Variants in GRID2 observed in about 807,000 individuals in gnomAD.
GRID2 encodes the protein glutamate receptor ionotropic, delta-2.
Under a neutral mutation model 114.8 loss-of-function variants are expected in GRID2, and 33 were observed. The observed-to-expected ratio is 0.29, with a 90% confidence interval of 0.22 to 0.38. The LOEUF is 0.38. GRID2 is among the 10% of genes least tolerant of loss of function. The probability of loss-of-function intolerance (pLI) is 1.00; values close to 1 mark genes in which losing one functional copy is unlikely to be tolerated. For missense variants in GRID2, 1,184 were observed against 1,257.7 expected (o/e 0.94, Z 0.89); for synonymous variants, 505 against 449.9 (o/e 1.12, Z -1.55).
chr4:92,392,765 C>T (rs965613091), intron 1 of GRID2, among the ~76,000 whole-genome samples: 1 of 151,998 alleles, frequency 6.6e-6, no homozygotes, highest in Non-Finnish European at 1.5e-5. Context: ...TCATTCATAC[C>T]TAAAGACTAT....
intron 1 of GRID2, among the ~76,000 whole-genome samples, chr4:92,342,872 G>A (rs146461450): frequency 6.4e-4 from 98 of 152,236 alleles, no homozygotes; most frequent in Admixed American, 1.8e-3. Flanking sequence ...TCCTGGGAAT[G>A]AGTTGACAAC....
At chr4:92,960,070 T>C (rs1158904360) in intron 2 of GRID2, among the ~76,000 whole-genome samples, 1 of 151,972 alleles carries the variant, frequency 6.6e-6, no homozygotes. Context: ...ATTTTGAAAA[T>C]TTTCAGCTAT....
At chr4:92,479,461 T>C (rs1034985540) in intron 1 of GRID2, among the ~76,000 whole-genome samples, 11 of 152,170 alleles carry the variant, frequency 7.2e-5, no homozygotes, top group Non-Finnish European at 1.0e-4. Flanking sequence ...TTTTTAACTA[T>C]ATTAATCAAC....
intron 8 of GRID2, among the ~76,000 whole-genome samples, chr4:93,364,684 G>T (rs1762177638): frequency 6.6e-6 from 1 of 151,910 alleles, no homozygotes; most frequent in Admixed American, 6.6e-5. Context: ...TTGATATGTT[G>T]CCCAAACTAG....
intron 8 of GRID2, among the ~76,000 whole-genome samples, chr4:93,360,979 C>A (rs1486307861): frequency 6.6e-6 from 1 of 151,644 alleles, no homozygotes; most frequent in Non-Finnish European, 1.5e-5. Flanking sequence ...ATCAAATGTA[C>A]TTTTATAACA....
chr4:92,913,799 A>G (rs1198202743), intron 2 of GRID2, among the ~76,000 whole-genome samples: 1 of 151,876 alleles, frequency 6.6e-6, no homozygotes, highest in African/African-American at 2.4e-5. Flanking sequence ...CACTCAGTAT[A>G]CCAGAGACAA....
chr4:92,560,537 G>A (rs2149181591), intron 1 of GRID2, among the ~76,000 whole-genome samples: 1 of 152,256 alleles, frequency 6.6e-6, no homozygotes, highest in Admixed American at 6.5e-5. Flanking sequence ...TTATGATAGT[G>A]TTTAATCCTT....
At chr4:93,781,386 G>A (rs1734475416) in intron 1 of GRID2, among the ~76,000 whole-genome samples, 2 of 151,024 alleles carry the variant, frequency 1.3e-5, no homozygotes, top group Admixed American at 6.6e-5. Context: ...GCTGGGCTGC[G>A]GTGAGGGGCT....
At chr4:93,294,931 G>T (rs933219689) in intron 8 of GRID2, among the ~76,000 whole-genome samples, 1 of 152,088 alleles carries the variant, frequency 6.6e-6, no homozygotes, top group African/African-American at 2.4e-5. Flanking sequence ...TCCTTTATTT[G>T]TTAATTTATC....
At chr4:93,679,110 A>G (rs1050493108) in intron 14 of GRID2, among the ~76,000 whole-genome samples, 7 of 151,220 alleles carry the variant, frequency 4.6e-5, no homozygotes, top group Non-Finnish European at 7.4e-5. Context: ...AAAATAAAAA[A>G]AGTCAGGGAT....
At chr4:92,368,025 C>T (rs893263723) in intron 1 of GRID2, among the ~76,000 whole-genome samples, 1 of 151,990 alleles carries the variant, frequency 6.6e-6, no homozygotes, top group Non-Finnish European at 1.5e-5. Context: ...CGATAGTAGC[C>T]TGGAATCAGC....
At chr4:92,593,940 C>T (rs965912061) in intron 2 of GRID2, among the ~76,000 whole-genome samples, 1 of 146,668 alleles carries the variant, frequency 6.8e-6, no homozygotes, top group African/African-American at 2.5e-5. Context: ...AAAAAAAAAA[C>T]GTATATGGGT....
rs528946307 is a variant in GRID2, at chr4:92,443,142, C to T, written c.88+138398C>T. Among the ~76,000 whole-genome samples, 1,336 of 152,154 alleles carry T rather than the reference C, an allele frequency of 8.8e-3. 21 individuals carry two copies. The highest frequency in any genetic ancestry group is 0.031 in the African/African-American group (1,273 of 41,492). On this transcript the variant is annotated intron_variant, in intron 1 of 15. Transcript: ENST00000282020. ...AAGAAGGAAGATTTGGGACGAGTTG[C>T]ACTGGGCACAGAGACTAGGAAGGGA... is the stretch of plus-strand genomic sequence containing the variant.
intron 8 of GRID2, among the ~76,000 whole-genome samples, chr4:93,282,825 C>T (rs1382241867): frequency 6.6e-6 from 1 of 151,898 alleles, no homozygotes; most frequent in East Asian, 1.9e-4. Flanking sequence ...GTGAGGGGCT[C>T]AGGAAGTTTA....
chr4:93,681,622 A>G (rs1725548538), intron 14 of GRID2, among the ~76,000 whole-genome samples: 1 of 152,150 alleles, frequency 6.6e-6, no homozygotes, highest in South Asian at 2.1e-4. Flanking sequence ...CATAAGTAAT[A>G]CCACACATCT....
intron 2 of GRID2, among the ~76,000 whole-genome samples, chr4:92,981,881 C>T (rs1754234018): frequency 6.6e-6 from 1 of 151,756 alleles, no homozygotes; most frequent in Non-Finnish European, 1.5e-5. Flanking sequence ...CTATGCAGAT[C>T]AACAACTGTA....
intron 2 of GRID2, among the ~76,000 whole-genome samples, chr4:93,077,441 G>A (rs1729437072): frequency 6.6e-6 from 1 of 151,946 alleles, no homozygotes; most frequent in African/African-American, 2.4e-5. Flanking sequence ...TAATTTTCTG[G>A]ACTATATTAA....
intron 2 of GRID2, among the ~76,000 whole-genome samples, chr4:92,745,716 G>A (rs1452683358): frequency 1.3e-5 from 2 of 152,074 alleles, no homozygotes; most frequent in Non-Finnish European, 2.9e-5. Flanking sequence ...CAATAATTTG[G>A]TGTGTGGTGG....
At chr4:93,445,834 A>C (rs1722043719) in intron 10 of GRID2, among the ~76,000 whole-genome samples, 1 of 152,034 alleles carries the variant, frequency 6.6e-6, no homozygotes, top group East Asian at 1.9e-4. Context: ...CTATTTACTT[A>C]AGATGTTGAA....
Sources: allele counts gnomAD v4.1 joint callset (sites outside exome capture counted in the v4.1 genomes callset), GRCh38; gene constraint gnomAD v4.1.1; transcripts MANE v1.5; gene names NCBI Gene and HGNC (gene_info 2026-07-23, HGNC 2026-07-21).